Variants in FRY observed in about 807,000 individuals in gnomAD.
FRY encodes the protein protein furry homolog.
In FRY, 128 loss-of-function variants were observed where a neutral mutation model predicts 348.4. The ratio of observed to expected loss-of-function variants is 0.37; its 90% CI spans 0.32 to 0.43. The LOEUF is 0.43. Ranked by LOEUF, FRY falls within the 20% of genes least tolerant of loss-of-function variation. The pLI is 1.00. For missense variants in FRY, 2,736 were observed against 3,695.2 expected, an observed-to-expected ratio of 0.74 and a Z score of 6.73; for synonymous variants, 1,370 against 1,374.7, an observed-to-expected ratio of 1.00 and a Z score of 0.08.
chr13:32,035,503 AT>A (rs1251865821), intron 1 of FRY, among the ~76,000 whole-genome samples: 3 of 152,120 alleles, frequency 2.0e-5, no homozygotes, highest in African/African-American at 4.8e-5. Context: ...AGTTCAAGCT[AT>A]TTTCCAGGAG....
intron 1 of FRY, among the ~76,000 whole-genome samples, chr13:32,072,447 A>G (rs1330403195): frequency 6.6e-6 from 1 of 152,010 alleles, no homozygotes; most frequent in Non-Finnish European, 1.5e-5. Flanking sequence ...TTTTGTCCCA[A>G]CATTTTTGAT....
At chr13:32,143,341 CA>C (rs1880202551) in intron 11 of FRY, among the ~76,000 whole-genome samples, 2 of 152,214 alleles carry the variant, frequency 1.3e-5, no homozygotes, top group Admixed American at 6.5e-5. Context: ...AACCAATTAA[CA>C]GTACATAATC....
Position 32,276,533 on chromosome 13 carries a change from TACAACAACAG to T in FRY, c.8357_8366del (p.Tyr2786Ter). ...AGAACTGCAAGAATATTTGGATACC[TACAACAACAG>T]GAAAGAGGCCACACTCTCTGTAAGC... On this transcript the variant is annotated frameshift_variant, in exon 57 of 61. Coordinates refer to ENST00000542859, the MANE Select transcript of FRY (RefSeq NM_023037.3). LOFTEE classifies it high-confidence loss of function. The T allele has an allele frequency of 6.3e-7, 1 of 1,596,740 alleles. No homozygotes were observed. Among genetic ancestry groups the T allele is most frequent in the Non-Finnish European group, 8.6e-7 (1 of 1,164,114 alleles).
chr13:32,273,744 T>TA (rs1304930700), intron 55 of FRY, among the ~76,000 whole-genome samples: 3 of 152,218 alleles, frequency 2.0e-5, no homozygotes, highest in Non-Finnish European at 2.9e-5. Context: ...AGAAAAGAGT[T>TA]ACGCCTTTTG....
intron 13 of FRY, among the ~76,000 whole-genome samples, chr13:32,149,104 A>G (rs1393337583): frequency 2.0e-5 from 3 of 148,356 alleles, no homozygotes; most frequent in African/African-American, 7.3e-5. Flanking sequence ...TTAATTATTT[A>G]TATATACCTG....
At chr13:32,235,987 A>T (rs1593781663) in intron 42 of FRY, 91 bp from the exon 43 acceptor site, 3 of 932,738 alleles carry the variant, frequency 3.2e-6, no homozygotes, top group Admixed American at 1.9e-5. Flanking sequence ...CAATAACATT[A>T]TTGGAATACA....
chr13:32,036,593 CTG>C (rs1047230185), intron 1 of FRY, among the ~76,000 whole-genome samples: 2 of 152,014 alleles, frequency 1.3e-5, no homozygotes, highest in African/African-American at 4.8e-5. Context: ...TTTTTCCCAA[CTG>C]TGACACTTTG....
In FRY at chr13:32,047,118, T is replaced by C. The variant is rs537460549; in HGVS notation, c.70+15253T>C. ...TTAAATAAATATGTTTATCTATATA[T>C]ACCTACTCCTAGAGCCATAACAATT... On this transcript the variant is annotated intron_variant, in intron 1 of 60. Coordinates refer to ENST00000542859, the MANE Select transcript of FRY (RefSeq NM_023037.3). Among the ~76,000 whole-genome samples, 63 of 152,382 alleles carry C rather than the reference T, an allele frequency of 4.1e-4. No homozygotes were observed. In the South Asian group the frequency reaches 4.8e-3, roughly 12 times the overall value.
At chr13:32,139,144 A>C (rs1156645090) in intron 11 of FRY, among the ~76,000 whole-genome samples, 1 of 152,232 alleles carries the variant, frequency 6.6e-6, no homozygotes, top group Non-Finnish European at 1.5e-5. Context: ...CCGTTTAAAA[A>C]ATGTTATTAA....
At chr13:32,144,747 C>T (rs1014565669) in intron 11 of FRY, among the ~76,000 whole-genome samples, 6 of 152,094 alleles carry the variant, frequency 3.9e-5, no homozygotes, top group African/African-American at 1.4e-4. Context: ...TCATTGACCC[C>T]GTGCAGAACA....
At chr13:32,137,566 C>T (rs12873155) in intron 11 of FRY, among the ~76,000 whole-genome samples, 72,062 of 152,146 alleles carry the variant, frequency 0.47, 17,549 homozygotes, top group East Asian at 0.81. Flanking sequence ...CAGCAATACA[C>T]CTGCTACACA....
chr13:32,216,585 C>A (rs1255871222), intron 35 of FRY, among the ~76,000 whole-genome samples: 1 of 152,196 alleles, frequency 6.6e-6, no homozygotes, highest in Non-Finnish European at 1.5e-5. Context: ...CTCCACCCGA[C>A]GGAAACCTGC....
intron 17 of FRY, among the ~76,000 whole-genome samples, chr13:32,166,393 C>T: frequency 6.6e-6 from 1 of 152,162 alleles, no homozygotes. Context: ...GAACTGCTGT[C>T]CCCCACCCTC....
At chr13:32,230,652 A>G (rs1316914966) in intron 40 of FRY, among the ~76,000 whole-genome samples, 2 of 152,320 alleles carry the variant, frequency 1.3e-5, no homozygotes, top group Non-Finnish European at 2.9e-5. Context: ...AGAACAATGT[A>G]TATTCCTTTG....
At chr13:32,134,409 G>A (rs545092827) in intron 8 of FRY, among the ~76,000 whole-genome samples, 1 of 152,328 alleles carries the variant, frequency 6.6e-6, no homozygotes, top group South Asian at 2.1e-4. Context: ...CACCTAAAAT[G>A]TCAGAGCGAA....
intron 4 of FRY, among the ~76,000 whole-genome samples, chr13:32,123,587 G>T (rs1334362538): frequency 6.6e-6 from 1 of 152,072 alleles, no homozygotes; most frequent in African/African-American, 2.4e-5. Flanking sequence ...CTCCTTTCAC[G>T]AGATCTTTCA....
In FRY at chr13:32,209,535, G is replaced by A. The variant is rs374815490; in HGVS notation, c.4276-50G>A. The A allele has an allele frequency of 2.1e-4, 335 of 1,591,644 alleles. 3 individuals are homozygous for A. The South Asian group carries it at 3.0e-3, about 14-fold the overall frequency. ...AACTACTTTCAGTCAAACCTTTTGCGTCCTTACAGTTTTCACACATCTCTT... is the reference window on the plus strand; with the variant it reads ...AACTACTTTCAGTCAAACCTTTTGCATCCTTACAGTTTTCACACATCTCTT... On this transcript the variant is annotated intron_variant, in intron 32 of 60. Coordinates refer to ENST00000542859, the MANE Select transcript of FRY (RefSeq NM_023037.3).
intron 1 of FRY, among the ~76,000 whole-genome samples, chr13:32,056,205 A>AT (rs1434698604): frequency 1.3e-5 from 2 of 151,372 alleles, no homozygotes; most frequent in African/African-American, 4.9e-5. Flanking sequence ...AAAAAAAAAA[A>AT]AGGAATATAC....
At chr13:32,200,338 A>G (rs1883940263) in intron 29 of FRY, among the ~76,000 whole-genome samples, 1 of 152,192 alleles carries the variant, frequency 6.6e-6, no homozygotes, top group Non-Finnish European at 1.5e-5. Context: ...AACAACTAAT[A>G]TGTTTTTTCA....
Sources: allele counts gnomAD v4.1 joint callset (sites outside exome capture counted in the v4.1 genomes callset), GRCh38; gene constraint gnomAD v4.1.1; transcripts MANE v1.5; gene names NCBI Gene and HGNC (gene_info 2026-07-23, HGNC 2026-07-21).